The following MEGF10 variants were observed in gnomAD, a reference collection of about 807,000 sequenced individuals.
The protein encoded by MEGF10 is multiple EGF like domains 10, also known as multiple epidermal growth factor-like domains protein 10.
In MEGF10, 86 loss-of-function variants were observed where a neutral mutation model predicts 147.5. The observed-to-expected ratio is 0.58, with a 90% CI of 0.49 to 0.70. The LOEUF (loss-of-function observed/expected upper bound fraction) is 0.70, where lower values mean the gene tolerates loss of function less well. Ranked by LOEUF, MEGF10 falls within the 30% of genes least tolerant of loss-of-function variation. The pLI, the probability that MEGF10 is intolerant of heterozygous loss-of-function variation, is 0.00. For synonymous variants in MEGF10, 478 were observed against 525.5 expected, an observed-to-expected ratio of 0.91 and a Z score of 1.24; for missense variants, 1,329 against 1,487.3, an observed-to-expected ratio of 0.89 and a Z score of 1.75.
At chr5:127,309,894 T>G (rs1013851866) in intron 1 of MEGF10, among the ~76,000 whole-genome samples, 39 of 152,076 alleles carry the variant, frequency 2.6e-4, no homozygotes, top group African/African-American at 8.9e-4. Context: ...TGCTCCATTT[T>G]ACATTTCCGT....
At chr5:127,263,307 C>CAGG in the MEGF10 span, among the ~76,000 whole-genome samples, 2 of 144,248 alleles carry the variant, frequency 1.4e-5, no homozygotes, top group South Asian at 2.3e-4. Flanking sequence ...GAGGGATTCT[C>CAGG]GGGGGGGGGG....
chr5:127,392,050 T>A (rs1440742370), intron 5 of MEGF10, among the ~76,000 whole-genome samples: 1 of 152,138 alleles, frequency 6.6e-6, no homozygotes, highest in Non-Finnish European at 1.5e-5. Context: ...GTGAATGCCA[T>A]GGAAAATAGA....
the MEGF10 span, among the ~76,000 whole-genome samples, chr5:127,267,222 A>C: frequency 6.6e-6 from 1 of 152,162 alleles, no homozygotes; most frequent in Non-Finnish European, 1.5e-5. Context: ...GCTGGATTAC[A>C]TTTATTGATT....
intron 17 of MEGF10, among the ~76,000 whole-genome samples, chr5:127,440,047 C>G (rs13190032): frequency 1.3e-5 from 2 of 151,992 alleles, no homozygotes; most frequent in African/African-American, 4.8e-5. Flanking sequence ...TCTTTCATCA[C>G]GCCAGAGATC....
rs572452948 is a variant in MEGF10 at position 127,317,543 on chromosome 5, G to A, written c.-18-13748G>A. On this transcript the variant is annotated intron_variant, in intron 1 of 24. Coordinates refer to ENST00000503335, the MANE Select transcript of MEGF10 (RefSeq NM_001256545.2). ...GCTTTCTACATAGAAAATGTGGCAC[G>A]TACACACCACGGAATACTATGCAGC... 6.6e-5 allele frequency among the ~76,000 whole-genome samples: 10 copies of A among 152,194 alleles called. No homozygotes were observed. The South Asian group carries it at 1.0e-3, about 16-fold the overall frequency.
chr5:127,339,071 A>C, intron 2 of MEGF10, 49 bp from the exon 3 acceptor site: 1 of 1,236,004 alleles, frequency 8.1e-7, no homozygotes, highest in Admixed American at 1.8e-5. Context: ...GTATATTATT[A>C]ATTTAAAAAA....
At chr5:127,263,654 T>C in the MEGF10 span, among the ~76,000 whole-genome samples, 1 of 152,174 alleles carries the variant, frequency 6.6e-6, no homozygotes, top group Admixed American at 6.6e-5. Flanking sequence ...AATTGATTAA[T>C]CTGATCATCT....
the MEGF10 span, among the ~76,000 whole-genome samples, chr5:127,270,623 C>A: frequency 1.3e-5 from 2 of 152,274 alleles, no homozygotes; most frequent in Middle Eastern, 3.4e-3. Flanking sequence ...GACTCCCACA[C>A]AATAATAATG....
intron 1 of MEGF10, among the ~76,000 whole-genome samples, chr5:127,312,151 A>C (rs1391837243): frequency 6.6e-6 from 1 of 152,130 alleles, no homozygotes; most frequent in African/African-American, 2.4e-5. Context: ...AAGCATGGTC[A>C]GTTTTGAAGG....
intron 4 of MEGF10, among the ~76,000 whole-genome samples, chr5:127,356,612 T>A (rs529194257): frequency 7.4e-4 from 112 of 152,194 alleles, no homozygotes; most frequent in Non-Finnish European, 1.4e-3. Context: ...GCTAAGTTAA[T>A]TTATTGTACT....
chr5:127,286,536 C>T (rs1313443136), upstream of MEGF10, among the ~76,000 whole-genome samples: 3 of 151,672 alleles, frequency 2.0e-5, no homozygotes, highest in African/African-American at 7.3e-5. Flanking sequence ...ATATTTTGAA[C>T]TATATAAACA....
In MEGF10 at chr5:127,458,694, T is replaced by G. The variant is rs1348711363; in HGVS notation, c.*1376T>G. ...TAAATGAAGTAGAAATGCTTTTTAA[T>G]ATTCCAAAATAGAGTTCCTTTTGAT... On this transcript the variant is annotated 3_prime_UTR_variant, in exon 25 of 25. Coordinates refer to ENST00000503335, the MANE Select transcript of MEGF10 (RefSeq NM_001256545.2). The G allele has an allele frequency of 6.6e-6, 1 of 152,216 alleles. No individual in the cohort carries two copies. The highest frequency in any genetic ancestry group is 2.4e-5 in the African/African-American group (1 of 41,454). The allele number at this position is 152,216 out of a possible 1,614,324, so 9.4% of individuals were successfully genotyped here. A position where few individuals can be genotyped will look rare whatever the true frequency, so the allele number is the denominator to read the frequency against.
chr5:127,423,657 G>A (rs939834503), intron 13 of MEGF10, among the ~76,000 whole-genome samples: 1 of 151,944 alleles, frequency 6.6e-6, no homozygotes, highest in Non-Finnish European at 1.5e-5. Context: ...ATCTTTCTGT[G>A]CATTTATTGG....
chr5:127,325,296 T>G (rs1010647715), intron 1 of MEGF10, among the ~76,000 whole-genome samples: 3 of 152,212 alleles, frequency 2.0e-5, no homozygotes, highest in Non-Finnish European at 4.4e-5. Flanking sequence ...TTAGTAGATT[T>G]TAAGCTATTA....
chr5:127,361,488 A>T (rs997855772), intron 4 of MEGF10, among the ~76,000 whole-genome samples: 7 of 151,508 alleles, frequency 4.6e-5, no homozygotes, highest in African/African-American at 1.7e-4. Flanking sequence ...ACTTTTGTTG[A>T]TTTTCTCTTT....
chr5:127,404,550 T>G (rs1374582619), intron 8 of MEGF10, among the ~76,000 whole-genome samples: 1 of 152,156 alleles, frequency 6.6e-6, no homozygotes, highest in South Asian at 2.1e-4. Context: ...TAACATGATG[T>G]GTGCATCCTT....
At chr5:127,319,990 G>T (rs976049525) in intron 1 of MEGF10, among the ~76,000 whole-genome samples, 1 of 152,188 alleles carries the variant, frequency 6.6e-6, no homozygotes, top group Non-Finnish European at 1.5e-5. Flanking sequence ...CCAGACCACA[G>T]CATCATCATC....
Position 127,433,507 on chromosome 5 carries a change from G to A in MEGF10, c.1838G>A (p.Arg613Lys). ...APGFRGTTCQRICSPGFYGHR... is the reference protein window; with the variant it reads ...APGFRGTTCQKICSPGFYGHR... ...GGCTTCCGAGGCACCACTTGTCAGA[G>A]GAGTAAGTGTCTCATTAGGCAGTAA... is the stretch of plus-strand genomic sequence containing the variant. The change falls in exon 14 of 25, where the codon AGG (arginine) becomes AAG (lysine). Residue 613 changes from arginine (R) to lysine (K), a missense_variant and splice_region_variant. By Grantham distance (26) the Arg-to-Lys change is conservative. Transcript: ENST00000503335. 1.3e-6 allele frequency: 2 copies of A among 1,598,532 alleles called. No individual in the cohort carries two copies.
intron 5 of MEGF10, among the ~76,000 whole-genome samples, chr5:127,379,447 TCTC>T (rs1763167958): frequency 6.6e-6 from 1 of 152,176 alleles, no homozygotes; most frequent in South Asian, 2.1e-4. Flanking sequence ...CCTGATGTCT[TCTC>T]ATTCTTCTAC....
Sources: allele counts gnomAD v4.1 joint callset (sites outside exome capture counted in the v4.1 genomes callset), GRCh38; gene constraint gnomAD v4.1.1; transcripts MANE v1.5; gene names NCBI Gene and HGNC (gene_info 2026-07-23, HGNC 2026-07-21).